The following PYGM variants were observed in gnomAD, a reference collection of about 807,000 sequenced individuals.
PYGM encodes the protein glycogen phosphorylase, muscle form.
PYGM carries 81 observed loss-of-function variants against 99.3 expected under a neutral mutation model. The observed-to-expected ratio is 0.82, with a 90% confidence interval of 0.68 to 0.98. The LOEUF (loss-of-function observed/expected upper bound fraction) is 0.98, where lower values mean the gene tolerates loss of function less well. Ranked by LOEUF, PYGM falls within the 50% of genes least tolerant of loss-of-function variation. The probability of loss-of-function intolerance (pLI) is 0.00; values close to 1 mark genes in which losing one functional copy is unlikely to be tolerated. For missense variants in PYGM, 1,030 were observed against 1,158.1 expected (o/e 0.89, Z 1.61); for synonymous variants, 436 against 451.5 (o/e 0.97, Z 0.44).
rs67848746 is a variant in PYGM, at chr11:64,754,088, C to T, written c.1093-63G>A. On this transcript the variant is annotated intron_variant, in intron 9 of 19. Transcript: ENST00000164139. This position sits in a 1 kb window ranked among gnomAD's most constrained non-coding sequence, Gnocchi z 5.5. The stretch of plus-strand genomic sequence containing the variant: ...GCCCAGTGGGTCTCCTCACACACTA[C>T]GCATCCCAGTGGGCCCCCCCACTGC... The T allele has an allele frequency of 2.8e-3, 4,492 of 1,601,314 alleles. 7 individuals carry two copies. The highest frequency in any genetic ancestry group is 6.5e-3 in the Middle Eastern group (39 of 6,042).
chr11:64,753,716 C>G, intron 10 of PYGM, 34 bp from the exon 11 acceptor site: 1 of 1,584,830 alleles, frequency 6.3e-7, no homozygotes. Context: ...AGAACCAGAC[C>G]CAGGAACCCC....
chr11:64,758,230 A>G lies in PYGM; in HGVS notation c.528+16T>C. 1 of 1,596,164 alleles carries G rather than the reference A, an allele frequency of 6.3e-7. No homozygotes were observed. The highest frequency in any genetic ancestry group is 8.6e-7 in the Non-Finnish European group (1 of 1,163,732). ...ATCCTGACTAGACCCCACAAGTTAGAGCCAAGGCTGCTCACCTGCCAGCCC... is the reference window on the plus strand; with the variant it reads ...ATCCTGACTAGACCCCACAAGTTAGGGCCAAGGCTGCTCACCTGCCAGCCC... On this transcript the variant is annotated intron_variant, in intron 4 of 19. Coordinates refer to ENST00000164139, the MANE Select transcript of PYGM (RefSeq NM_005609.4).
intron 17 of PYGM, among the ~76,000 whole-genome samples, chr11:64,750,090 C>T (rs897807439): frequency 4.6e-5 from 7 of 152,196 alleles, no homozygotes; most frequent in Admixed American, 4.6e-4. Context: ...CCGCACCCGG[C>T]GTAGAGCAAG....
chr11:64,752,196 C>A, intron 13 of PYGM, 125 bp from the exon 14 acceptor site: 3 of 1,418,026 alleles, frequency 2.1e-6, no homozygotes, highest in African/African-American at 2.8e-5. Context: ...CTGTCCACTC[C>A]TGTACCAGGG....
chr11:64,747,281 G>T lies in PYGM; in HGVS notation c.2255C>A (p.Ser752Tyr). The change falls in exon 18 of 20, where the codon TCC (serine) becomes TAC (tyrosine). Residue 752 changes from serine (S) to tyrosine (Y), a missense_variant. Coordinates refer to ENST00000164139, the MANE Select transcript of PYGM (RefSeq NM_005609.4). ...CTTGAACAGGTCGGGCTGTTTGGGGGAGAAGAAGCCACTGCTCAGCTGCTC... is the reference window on the plus strand; with the variant it reads ...CTTGAACAGGTCGGGCTGTTTGGGGTAGAAGAAGCCACTGCTCAGCTGCTC... ...VIEQLSSGFF[S>Y]PKQPDLFKDI... The T allele has an allele frequency of 4.3e-6, 7 of 1,614,198 alleles. No homozygotes were observed. Among genetic ancestry groups the T allele is most frequent in the Non-Finnish European group, 5.9e-6 (7 of 1,180,004 alleles).
intron 5 of PYGM, among the ~76,000 whole-genome samples, chr11:64,757,480 A>G (rs2058401128): frequency 6.6e-6 from 1 of 152,150 alleles, no homozygotes; most frequent in Non-Finnish European, 1.5e-5. Context: ...GGCAGACTCA[A>G]GTCGCCAAGA....
Position 64,753,972 on chromosome 11 carries a change from G to A in PYGM, c.1146C>T (p.Pro382=), listed in dbSNP as rs767963946. Residue 382 remains proline (P), a synonymous_variant, in exon 10 of 20, where the codon CCC becomes CCT. Transcript: ENST00000164139. The part of the protein sequence containing the change: ...TCAYTNHTVL[P]EALERWPVHL... ...GCACCGGCCAGCGCTCCAGGGCCTC[G>A]GGCAGCACCGTGTGGTTGGTGTAGG... 1.5e-5 allele frequency: 24 copies of A among 1,605,638 alleles called. No individual in the cohort carries two copies. Among genetic ancestry groups the A allele is most frequent in the East Asian group, 2.2e-5 (1 of 44,572 alleles).
chr11:64,759,296 C>T lies in PYGM; in HGVS notation c.243+360G>A, dbSNP rs542328956. Among the ~76,000 whole-genome samples the T allele has an allele frequency of 7.2e-5, 11 of 152,258 alleles. No homozygotes were observed. The East Asian group carries it at 1.5e-3, about 21-fold the overall frequency. On this transcript the variant is annotated intron_variant, in intron 1 of 19. Transcript: ENST00000164139. ...CACCGGACACTTGATCTCTGCCGCC[C>T]CAGCTGCCCCAGCCCCGCCTGCTGC...
rs139570786 is a variant in PYGM, at chr11:64,752,486, T to G, written c.1537A>C (p.Ile513Leu). The G allele has an allele frequency of 1.9e-6, 3 of 1,614,142 alleles. No homozygotes were observed. ...TTGCGCAGCTGGTCCAGGTCAGAGA[T>G]GAAGTCCTCCCCGATGCGCTATGGG... is the stretch of plus-strand genomic sequence containing the variant. ...VIAERIGEDF[I>L]SDLDQLRKLL... Residue 513 changes from isoleucine to leucine, a missense_variant, in exon 13 of 20, where the codon ATC becomes CTC. By Grantham distance (5) the Ile-to-Leu change is conservative. Transcript: ENST00000164139.
intron 5 of PYGM, among the ~76,000 whole-genome samples, chr11:64,757,311 G>A (rs761693934): frequency 6.6e-6 from 1 of 152,062 alleles, no homozygotes; most frequent in Non-Finnish European, 1.5e-5. Context: ...TGTCACCTCG[G>A]CCTTCTAAAG....
Position 64,747,308 on chromosome 11 carries a change from A to G in PYGM, c.2228T>C (p.Ile743Thr), listed in dbSNP as rs775934991. Residue 743 changes from isoleucine (I) to threonine (T), a missense_variant, in exon 18 of 20, where the codon ATT (isoleucine) becomes ACT (threonine). Physicochemically the swap from Ile to Thr is moderately conservative, Grantham distance 89. Transcript: ENST00000164139. ...YDRIPELRQV[I>T]EQLSSGFFSP... ...GAAGAAGCCACTGCTCAGCTGCTCA[A>G]TGACCTGCCGAAGCTCAGGAATGCG... 7.4e-6 allele frequency: 12 copies of G among 1,614,094 alleles called. No homozygotes were observed. Among genetic ancestry groups the G allele is most frequent in the Admixed American group, 1.7e-5 (1 of 60,012 alleles).
intron 4 of PYGM, 52 bp downstream of exon 4, chr11:64,758,194 G>A (rs548858956): frequency 9.1e-6 from 14 of 1,541,766 alleles, no homozygotes; most frequent in East Asian, 9.0e-5. Flanking sequence ...AAACAAGTGG[G>A]GGTCTTCCCC....
In PYGM at chr11:64,754,789, C is replaced by T; in HGVS notation, c.903G>A (p.Val301=). ...ELRLKQEYFV[V]AATLQDIIRR... is the part of the protein sequence containing the mutation. ...GGATGATGTCCTGGAGGGTGGCAGC[C>T]ACCACGAAATACTCCTGCTTCAGCC... Residue 301 remains valine, a synonymous_variant, in exon 8 of 20, where the codon GTG becomes GTA. Transcript: ENST00000164139. This position sits in a 1 kb window ranked among gnomAD's most constrained non-coding sequence, Gnocchi z 5.5. 1 of 1,613,992 alleles carries T rather than the reference C, an allele frequency of 6.2e-7. No homozygotes were observed. The highest frequency in any genetic ancestry group is 8.5e-7 in the Non-Finnish European group (1 of 1,179,992).
At chr11:64,750,277 G>A in intron 17 of PYGM, 99 bp downstream of exon 17, 1 of 1,339,084 alleles carries the variant, frequency 7.5e-7, no homozygotes, top group Non-Finnish European at 1.1e-6. Flanking sequence ...GACCTTGCTG[G>A]GCCTGGACCA....
At chr11:64,751,085 T>A (rs2058352678) in intron 16 of PYGM, 1 of 514,776 alleles carries the variant, frequency 1.9e-6, no homozygotes, top group Non-Finnish European at 3.5e-6. Flanking sequence ...AGAGACGGGG[T>A]TTCACCATGT....
At chr11:64,756,521 G>T (rs2058395321) in intron 5 of PYGM, among the ~76,000 whole-genome samples, 1 of 152,136 alleles carries the variant, frequency 6.6e-6, no homozygotes, top group Non-Finnish European at 1.5e-5. Flanking sequence ...CACTATCTTG[G>T]CTCACTGTAA....
rs1444312604 is a variant in PYGM, at chr11:64,753,883, A to T, written c.1235T>A (p.Leu412His). 3 of 1,574,520 alleles carry T rather than the reference A, an allele frequency of 1.9e-6. No homozygotes were observed. The highest frequency in any genetic ancestry group is 1.7e-4 in the Middle Eastern group (1 of 5,842). The stretch of plus-strand genomic sequence containing the variant: ...CCCCCAAGCCTCCGGACTCACGTTG[A>T]GGAAGCGCTGGTTGATCTCGTAGAT... ...QIIYEINQRF[L>H]NRVAAAFPGD... Residue 412 changes from leucine to histidine, a missense_variant, in exon 10 of 20, where the codon CTC becomes CAC. Transcript: ENST00000164139.
Position 64,746,485 on chromosome 11 carries a change from G to A in PYGM, c.*174C>T. 1.1e-6 allele frequency: 1 copy of A among 890,926 alleles called. No individual in the cohort carries two copies. The highest frequency in any genetic ancestry group is 1.7e-5 in the African/African-American group (1 of 60,406). The allele number at this position is 890,926 out of a possible 1,614,324, so 55.2% of individuals were successfully genotyped here. ...GGACCGGGAGCCCGAGGACGGAAGG[G>A]GGCCCGTGTCCTTAGTCACGCTGGA... On this transcript the variant is annotated 3_prime_UTR_variant, in exon 20 of 20. Coordinates refer to ENST00000164139, the MANE Select transcript of PYGM (RefSeq NM_005609.4).
At chr11:64,760,014 G>A, upstream of PYGM, 1 of 1,477,910 alleles carries the variant, frequency 6.8e-7, no homozygotes, top group Non-Finnish European at 9.1e-7. Context: ...GCCTGGCTCT[G>A]GGCAGCACGC....
Sources: allele counts gnomAD v4.1 joint callset (sites outside exome capture counted in the v4.1 genomes callset), GRCh38; gene constraint gnomAD v4.1.1; non-coding constraint Gnocchi (gnomAD v3.1); transcripts MANE v1.5; gene names NCBI Gene and HGNC (gene_info 2026-07-23, HGNC 2026-07-21).